SH3RF2: variants seen among roughly 807,000 people sequenced by gnomAD.
SH3RF2 encodes the protein SH3 domain containing ring finger 2.
SH3RF2 carries 43 observed loss-of-function variants against 59.0 expected under a neutral mutation model. The observed-to-expected ratio is 0.73, with a 90% CI of 0.57 to 0.94. The LOEUF (loss-of-function observed/expected upper bound fraction) is 0.94. Ranked by LOEUF, SH3RF2 falls within the 40% of genes least tolerant of loss-of-function variation. The probability of loss-of-function intolerance (pLI) is 0.00; values close to 1 mark genes in which losing one functional copy is unlikely to be tolerated. For synonymous variants in SH3RF2, 391 were observed against 391.5 expected (o/e 1.00, Z 0.01); for missense variants, 930 against 940.1 (o/e 0.99, Z 0.14).
chr5:145,948,562 GA>G (rs1275785522), intron 2 of SH3RF2, among the ~76,000 whole-genome samples: 1 of 152,258 alleles, frequency 6.6e-6, no homozygotes, highest in Non-Finnish European at 1.5e-5. Flanking sequence ...CTGGAGACAG[GA>G]GAAATAAGGC....
intron 2 of SH3RF2, among the ~76,000 whole-genome samples, chr5:145,949,277 C>A (rs1334040189): frequency 2.0e-5 from 3 of 152,204 alleles, no homozygotes; most frequent in Non-Finnish European, 4.4e-5. Context: ...GCCTTCTGAG[C>A]AGGTCACCCT....
At chr5:146,027,355 G>A (rs1367580030) in intron 5 of SH3RF2, among the ~76,000 whole-genome samples, 1 of 152,184 alleles carries the variant, frequency 6.6e-6, no homozygotes, top group Non-Finnish European at 1.5e-5. Context: ...TTTTTTCTGG[G>A]AATGCTGTCC....
chr5:146,060,039 A>G lies in SH3RF2; in HGVS notation c.1729A>G (p.Thr577Ala). The G allele has an allele frequency of 1.2e-6, 2 of 1,612,442 alleles. No individual in the cohort carries two copies. Among genetic ancestry groups the G allele is most frequent in the Non-Finnish European group, 1.7e-6 (2 of 1,179,248 alleles). ...VVEMGSKPAL[T>A]GEPALTCISR... is the part of the protein sequence containing the mutation. ...GGAGATGGGGTCCAAGCCTGCCCTC[A>G]CGGGGGAGCCCGCCCTCACGTGCAT... Residue 577 changes from threonine to alanine, a missense_variant, in exon 9 of 10, where the codon ACG becomes GCG. Thr to Ala is a moderately conservative substitution (Grantham distance 58). Transcript: ENST00000359120.
At chr5:146,043,494 C>T (rs1467106811) in intron 5 of SH3RF2, among the ~76,000 whole-genome samples, 1 of 152,128 alleles carries the variant, frequency 6.6e-6, no homozygotes, top group Non-Finnish European at 1.5e-5. Flanking sequence ...TAATTATATA[C>T]AATAACACTT....
intron 2 of SH3RF2, among the ~76,000 whole-genome samples, chr5:145,974,052 C>A (rs893690527): frequency 2.0e-5 from 3 of 152,144 alleles, no homozygotes; most frequent in African/African-American, 4.8e-5. Flanking sequence ...TATCAGGAGG[C>A]TCGACTGAGG....
chr5:146,027,164 G>A (rs989561775), intron 5 of SH3RF2, among the ~76,000 whole-genome samples: 2 of 152,172 alleles, frequency 1.3e-5, no homozygotes, highest in African/African-American at 2.4e-5. Context: ...CAGAATTAGG[G>A]AAGGAGTGTG....
chr5:145,947,305 A>G (rs939761396), intron 2 of SH3RF2, among the ~76,000 whole-genome samples: 6 of 152,180 alleles, frequency 3.9e-5, no homozygotes, highest in Non-Finnish European at 7.4e-5. Context: ...TAAACAAGAC[A>G]ATGTTTGCTT....
In SH3RF2 at chr5:146,062,656, G is replaced by T. The variant is rs1218266786; in HGVS notation, c.2145G>T (p.Leu715=). ...CAGCTCTTGGCAAGGCCACAACCCT[G>T]GTGTCCACTGCCTCAGGCACGCAGA... is the stretch of plus-strand genomic sequence containing the variant. ...RKSALGKATT[L]VSTASGTQTV... The change falls in exon 10 of 10, where the codon CTG becomes CTT. Residue 715 remains leucine (L), a synonymous_variant. Transcript: ENST00000359120. 6.2e-7 allele frequency: 1 copy of T among 1,614,050 alleles called. No individual in the cohort carries two copies. Among genetic ancestry groups the T allele is most frequent in the Admixed American group, 1.7e-5 (1 of 60,004 alleles).
Position 146,028,163 on chromosome 5 carries a change from AACACACACACACAC to A in SH3RF2, c.1059+14136_1059+14149del, listed in dbSNP as rs10586561. On this transcript the variant is annotated intron_variant, in intron 5 of 9. Transcript: ENST00000359120. ...GATATCCAAGGCCAATGAGGCCTGC[AACACACACACACAC>A]ACACACACACACACACACACACACA... Among the ~76,000 whole-genome samples, 488 of 142,426 alleles carry A rather than the reference AACACACACACACAC, an allele frequency of 3.4e-3. 3 individuals are homozygous for A. Among genetic ancestry groups the A allele is most frequent in the African/African-American group, 0.013 (468 of 37,228 alleles). The allele number at this position is 142,426 out of a possible 152,430, so 93.4% of individuals were successfully genotyped here. A position where few individuals can be genotyped will look rare whatever the true frequency, so the allele number is the denominator to read the frequency against.
At chr5:145,996,514 G>A (rs1213771689) in intron 2 of SH3RF2, among the ~76,000 whole-genome samples, 1 of 99,464 alleles carries the variant, frequency 1.0e-5, no homozygotes, top group African/African-American at 3.4e-5. Context: ...TTATGCTTGA[G>A]CTGATTTTTT....
At chr5:145,973,684 TTTTG>T (rs1454832336) in intron 2 of SH3RF2, among the ~76,000 whole-genome samples, 1 of 152,260 alleles carries the variant, frequency 6.6e-6, no homozygotes, top group Non-Finnish European at 1.5e-5. Flanking sequence ...TTTGTGGTTT[TTTTG>T]TTTATTTTTG....
rs1762925278 is a variant in SH3RF2 at position 146,062,282 on chromosome 5, C to G, written c.1915-144C>G. On this transcript the variant is annotated intron_variant, in intron 9 of 9. Transcript: ENST00000359120. ...CTGCATTCTCAGCATCTTGTACTTC[C>G]CCCATCTTAGCACTTGACACTCATG... is the stretch of plus-strand genomic sequence containing the variant. 5.8e-6 allele frequency: 6 copies of G among 1,028,928 alleles called. No individual in the cohort carries two copies. In the East Asian group the frequency reaches 9.6e-5, roughly 16 times the overall value. 63.7% of individuals were successfully genotyped at this position (1,028,928 alleles called of 1,614,324 possible).
Position 145,937,925 on chromosome 5 carries a change from T to G in SH3RF2, c.-4T>G. On this transcript the variant is annotated 5_prime_UTR_variant, in exon 2 of 10. The change abolishes the stop of an existing upstream ORF in the 5' untranslated region. Coordinates refer to ENST00000359120, the MANE Select transcript of SH3RF2 (RefSeq NM_152550.4). ...CCAGGTGGGAACTGGAGTTTTGAAATAAAATGGATGATTTGACGTTACTTG... is the reference window on the plus strand; with the variant it reads ...CCAGGTGGGAACTGGAGTTTTGAAAGAAAATGGATGATTTGACGTTACTTG... The G allele has an allele frequency of 1.2e-6, 2 of 1,609,936 alleles. No homozygotes were observed.
intron 2 of SH3RF2, among the ~76,000 whole-genome samples, chr5:145,971,871 A>G (rs1344885302): frequency 3.3e-5 from 5 of 150,610 alleles, no homozygotes; most frequent in Admixed American, 2.0e-4. Context: ...TAATAGTGAT[A>G]ATGATGATGA....
intron 2 of SH3RF2, among the ~76,000 whole-genome samples, chr5:145,955,733 T>C (rs1017953699): frequency 1.3e-5 from 2 of 152,218 alleles, no homozygotes; most frequent in African/African-American, 2.4e-5. Flanking sequence ...CTATGTTTTA[T>C]CTACCATAGA....
At chr5:146,056,963 C>T (rs1175048287) in intron 8 of SH3RF2, among the ~76,000 whole-genome samples, 2 of 152,200 alleles carry the variant, frequency 1.3e-5, no homozygotes, top group Non-Finnish European at 1.5e-5. Flanking sequence ...CCTTTTCAGG[C>T]ATTGTAAAAA....
chr5:145,974,130 C>T lies in SH3RF2; in HGVS notation c.379-25928C>T, dbSNP rs143860197. Among the ~76,000 whole-genome samples the T allele has an allele frequency of 4.7e-3, 722 of 152,302 alleles. 4 individuals are homozygous for T. The highest frequency in any genetic ancestry group is 7.9e-3 in the Non-Finnish European group (537 of 68,030). On this transcript the variant is annotated intron_variant, in intron 2 of 9. Transcript: ENST00000359120. ...TTCCTTGTGGCTGTAAAACTGAGAA[C>T]CCAGGCTTCTTGCCTGCTGTTGGCT...
intron 5 of SH3RF2, among the ~76,000 whole-genome samples, chr5:146,018,743 C>T (rs969299609): frequency 5.3e-5 from 8 of 152,102 alleles, no homozygotes; most frequent in Admixed American, 5.2e-4. Flanking sequence ...TTTAAATTTC[C>T]ACCAGCAGTG....
intron 9 of SH3RF2, among the ~76,000 whole-genome samples, chr5:146,068,585 T>C (rs1763159236): frequency 6.6e-6 from 1 of 152,180 alleles, no homozygotes; most frequent in African/African-American, 2.4e-5. Flanking sequence ...ACTCCAAATA[T>C]CCTCGTAGCA....
Sources: allele counts gnomAD v4.1 joint callset (sites outside exome capture counted in the v4.1 genomes callset), GRCh38; gene constraint gnomAD v4.1.1; transcripts MANE v1.5; gene names NCBI Gene and HGNC (gene_info 2026-07-23, HGNC 2026-07-21).